MICAL1: variants seen among roughly 807,000 people sequenced by gnomAD.
MICAL1 encodes the protein [F-actin]-monooxygenase MICAL1.
A neutral mutation model predicts 131.8 loss-of-function variants in MICAL1; 95 were observed. The observed-to-expected ratio is 0.72, with a 90% CI of 0.61 to 0.86. MICAL1 has a LOEUF of 0.86. Ranked by LOEUF, MICAL1 falls within the 40% of genes least tolerant of loss-of-function variation. The probability of loss-of-function intolerance (pLI) is 0.00; values close to 1 mark genes in which losing one functional copy is unlikely to be tolerated. For missense variants in MICAL1, 1,292 were observed against 1,380.6 expected, an observed-to-expected ratio of 0.94 and a Z score of 1.02; for synonymous variants, 546 against 554.2, an observed-to-expected ratio of 0.99 and a Z score of 0.21.
chr6:109,456,134 T>A, upstream of MICAL1: 3 of 587,986 alleles, frequency 5.1e-6, no homozygotes, highest in Non-Finnish European at 6.4e-6. Context: ...ACCCTCGGCC[T>A]GGGCTCCTTG....
intron 24 of MICAL1, 102 bp from the exon 25 acceptor site, chr6:109,444,441 G>A (rs1191938469): frequency 1.3e-6 from 2 of 1,527,164 alleles, no homozygotes; most frequent in African/African-American, 2.8e-5. Context: ...CCCGGGCTTT[G>A]TTTCCTAAGC....
At chr6:109,465,728 T>C in exon 1 of MICAL1, 1 of 1,609,782 alleles carries the variant, frequency 6.2e-7, no homozygotes, top group Non-Finnish European at 8.5e-7. Flanking sequence ...CAGTTAGCCA[T>C]CACAGCTCTC....
intron 1 of MICAL1, chr6:109,463,673 T>A (rs542331451): frequency 1.2e-4 from 19 of 152,372 alleles, no homozygotes; most frequent in African/African-American, 4.6e-4. Context: ...CAATGAACAT[T>A]AGCATCCAAA....
chr6:109,451,757 C>A, intron 6 of MICAL1, 57 bp from the exon 7 acceptor site: 1 of 1,601,460 alleles, frequency 6.2e-7, no homozygotes, highest in South Asian at 1.1e-5. Context: ...ATCACCTTCC[C>A]TAAACATCCC....
intron 18 of MICAL1, 91 bp downstream of exon 18, chr6:109,446,605 G>A (rs937430378): frequency 5.6e-6 from 8 of 1,435,250 alleles, no homozygotes; most frequent in East Asian, 4.7e-5. Context: ...AGTAGAAGAC[G>A]ACATTCAGTT....
At chr6:109,458,198 T>C (rs943902934), upstream of MICAL1, among the ~76,000 whole-genome samples, 2 of 152,116 alleles carry the variant, frequency 1.3e-5, no homozygotes, top group Admixed American at 1.3e-4. Flanking sequence ...TCTTGAGTCA[T>C]GATTCAAATT....
intron 1 of MICAL1, 126 bp from the exon 2 acceptor site, chr6:109,454,365 T>C: frequency 1.1e-6 from 1 of 936,838 alleles, no homozygotes; most frequent in Non-Finnish European, 1.5e-6. Context: ...GCTCTGCTCC[T>C]CCCAGCCCAT....
At chr6:109,453,443 A>C in intron 3 of MICAL1, 76 bp from the exon 4 acceptor site, 1 of 1,543,582 alleles carries the variant, frequency 6.5e-7, no homozygotes, top group Non-Finnish European at 8.9e-7. Flanking sequence ...GTGCCTGGTC[A>C]GGGTCAGACT....
chr6:109,444,214 A>G lies in MICAL1; in HGVS notation c.3181T>C (p.Leu1061=), dbSNP rs1414404979. The G allele has an allele frequency of 2.0e-5, 33 of 1,613,288 alleles. No homozygotes were observed. The highest frequency in any genetic ancestry group is 2.5e-5 in the Non-Finnish European group (30 of 1,180,002). The change falls in exon 25 of 25, where the codon TTG becomes CTG. Residue 1061 remains leucine, a synonymous_variant. Coordinates refer to ENST00000358807, the MANE Select transcript of MICAL1 (RefSeq NM_022765.4). ...GTCTAGCCCTGGGCCCCTGTCCCCAAGGCCAGCTCGCTGAGCCTGCGCTCC... is the reference window on the plus strand; with the variant it reads ...GTCTAGCCCTGGGCCCCTGTCCCCAGGGCCAGCTCGCTGAGCCTGCGCTCC... ...QEERRLSELA[L]GTGAQG is the part of the protein sequence containing the mutation.
rs2115338495 is a variant in MICAL1, at chr6:109,453,324, C to T, written c.510G>A (p.Leu170=). 6.2e-7 allele frequency: 1 copy of T among 1,614,110 alleles called. No individual in the cohort carries two copies. The highest frequency in any genetic ancestry group is 2.2e-5 in the East Asian group (1 of 44,884). ...CACCCCAGTGAATTTCCACCCCCAG[C>T]AGCAATGCTACCTTCAGCAGAAGCA... ...LQLLLLKVAL[L]LGVEIHWGVT... is the part of the protein sequence containing the mutation. The change falls in exon 4 of 25, where the codon CTG becomes CTA. Residue 170 remains leucine (L), a synonymous_variant. Coordinates refer to ENST00000358807, the MANE Select transcript of MICAL1 (RefSeq NM_022765.4).
chr6:109,459,668 T>C (rs1449339071), upstream of MICAL1, among the ~76,000 whole-genome samples: 1 of 152,248 alleles, frequency 6.6e-6, no homozygotes, highest in Non-Finnish European at 1.5e-5. Flanking sequence ...ACAAGGACTC[T>C]ACCTTGAGAG....
rs139807207 is a variant in MICAL1, at chr6:109,444,234, C to T, written c.3161G>A (p.Arg1054His). ...CCCCAAGGCCAGCTCGCTGAGCCTGCGCTCCTCCTGGAAGCGGATGAGGGC... is the reference window on the plus strand; with the variant it reads ...CCCCAAGGCCAGCTCGCTGAGCCTGTGCTCCTCCTGGAAGCGGATGAGGGC... ...RDALIRFQEERRLSELALGTG... is the reference protein window; with the variant it reads ...RDALIRFQEEHRLSELALGTG... The change falls in exon 25 of 25, where the codon CGC becomes CAC. Residue 1054 changes from arginine (R) to histidine (H), a missense_variant. Transcript: ENST00000358807. The T allele has an allele frequency of 2.5e-5, 41 of 1,613,542 alleles. No homozygotes were observed. The highest frequency in any genetic ancestry group is 1.5e-4 in the African/African-American group (11 of 74,930).
In MICAL1 at chr6:109,451,627, G is replaced by T. The variant is rs780968543; in HGVS notation, c.906C>A (p.Cys302Ter). Residue 302 changes from cysteine (C) to a stop codon, truncating the protein, a stop_gained, in exon 7 of 25, where the codon TGC becomes TGA. Transcript: ENST00000358807. LOFTEE classifies it high-confidence loss of function. ...GGCGCAGCACCCCCAGCCGCAGCAG[G>T]CACTGCTTCTTGGCTGTCATCACAA... ...HYFVMTAKKQ[C>*]LLRLGVLRQD... is the part of the protein sequence containing the mutation. 22 of 1,613,952 alleles carry T rather than the reference G, an allele frequency of 1.4e-5. No individual in the cohort carries two copies. The highest frequency in any genetic ancestry group is 1.9e-5 in the Non-Finnish European group (22 of 1,180,004).
Position 109,454,246 on chromosome 6 carries a change from A to T in MICAL1, c.-43-7T>A. 31 of 1,546,378 alleles carry T rather than the reference A, an allele frequency of 2.0e-5. No homozygotes were observed. The highest frequency in any genetic ancestry group is 2.6e-5 in the Non-Finnish European group (30 of 1,145,868). On this transcript the variant is annotated splice_region_variant and splice_polypyrimidine_tract_variant and intron_variant, in intron 1 of 24. Transcript: ENST00000358807. ...GCTGGGCAGAGATGAGTGGCTGGAG[A>T]GGTGGAAAAAGAAGGGGAAGAGGCT...
At chr6:109,452,007 CA>C (rs1227525799) in intron 6 of MICAL1, 1 of 1,394,250 alleles carries the variant, frequency 7.2e-7, no homozygotes, top group African/African-American at 1.5e-5. Context: ...ACCACTTAAG[CA>C]AAACTCCCAT....
chr6:109,448,668 CAACTGGATATGCT>C, intron 12 of MICAL1, 51 bp downstream of exon 12: 1 of 1,592,902 alleles, frequency 6.3e-7, no homozygotes. Flanking sequence ...CTCTAGGATT[CAACTGGATATGCT>C]AACTCCTACA....
chr6:109,449,169 G>T, intron 11 of MICAL1: 1 of 678,962 alleles, frequency 1.5e-6, no homozygotes, highest in Non-Finnish European at 2.6e-6. Flanking sequence ...CACTATGGCT[G>T]TAACGGTGGT....
At chr6:109,461,554 A>G (rs1775888505) in intron 1 of MICAL1, among the ~76,000 whole-genome samples, 1 of 152,180 alleles carries the variant, frequency 6.6e-6, no homozygotes, top group Non-Finnish European at 1.5e-5. Context: ...AGCCTGGGCA[A>G]TATAGTGAGA....
At chr6:109,445,059 G>T in intron 22 of MICAL1, 64 bp from the exon 23 acceptor site, 1 of 1,590,736 alleles carries the variant, frequency 6.3e-7, no homozygotes, top group Non-Finnish European at 8.6e-7. Context: ...AGGAGTTACA[G>T]GCTTAGGGGA....
Sources: allele counts gnomAD v4.1 joint callset (sites outside exome capture counted in the v4.1 genomes callset), GRCh38; gene constraint gnomAD v4.1.1; transcripts MANE v1.5; gene names NCBI Gene and HGNC (gene_info 2026-07-23, HGNC 2026-07-21).